The following NPR2 variants were observed in gnomAD, a reference collection of about 807,000 sequenced individuals.
NPR2 encodes the protein natriuretic peptide receptor 2, also known as atrial natriuretic peptide receptor 2.
In NPR2, 49 loss-of-function variants were observed where a neutral mutation model predicts 120.7. That is an observed-to-expected ratio of 0.41 (90% CI 0.32 to 0.52). The LOEUF (loss-of-function observed/expected upper bound fraction) is 0.52. NPR2 is among the 20% of genes least tolerant of loss of function. The pLI, the probability that NPR2 is intolerant of heterozygous loss-of-function variation, is 0.36. For synonymous variants in NPR2, 484 were observed against 519.8 expected, an observed-to-expected ratio of 0.93 and a Z score of 0.94; for missense variants, 931 against 1,362.9, an observed-to-expected ratio of 0.68 and a Z score of 4.99.
In NPR2 at chr9:35,809,712, T is replaced by A; in HGVS notation, c.*267T>A. ...ATTTTGGTCAAATATAAAACAATAATAAAAAAAGTTCTGATGTCATAGTGT... is the reference window on the plus strand; with the variant it reads ...ATTTTGGTCAAATATAAAACAATAAAAAAAAAAGTTCTGATGTCATAGTGT... On this transcript the variant is annotated 3_prime_UTR_variant, in exon 22 of 22. Transcript: ENST00000342694. This position sits in a 1 kb window ranked among gnomAD's most constrained non-coding sequence, Gnocchi z 4.1. 7.9e-7 allele frequency: 1 copy of A among 1,264,516 alleles called. No homozygotes were observed. Among genetic ancestry groups the A allele is most frequent in the Non-Finnish European group, 1.1e-6 (1 of 886,692 alleles). 78.3% of individuals were successfully genotyped at this position (1,264,516 alleles called of 1,614,324 possible).
At position 35,799,508 on chromosome 9, in the gene NPR2, G is replaced by A. The variant is rs1828063332; in HGVS notation, c.874-110G>A. The stretch of plus-strand genomic sequence containing the variant: ...TTTCAAAGCCTTCAGACTCACCTGT[G>A]TATATTTTATATCATGTATATTTTA... On this transcript the variant is annotated intron_variant, in intron 2 of 21. Transcript: ENST00000342694. The A allele has an allele frequency of 1.0e-5, 8 of 803,032 alleles. No homozygotes were observed. The Admixed American group carries it at 1.3e-4, about 13-fold the overall frequency. The allele number at this position is 803,032 out of a possible 1,614,324, so 49.7% of individuals were successfully genotyped here. A position where few individuals can be genotyped will look rare whatever the true frequency, so the allele number is the denominator to read the frequency against.
rs2236289 is a variant in NPR2, at chr9:35,793,710, C to T, written c.668-188C>T. On this transcript the variant is annotated intron_variant, in intron 1 of 21. Coordinates refer to ENST00000342694, the MANE Select transcript of NPR2 (RefSeq NM_003995.4). ...AGGCTCTGACTTCTGCCAGATGGTC[C>T]ATATGGCCCCAGGGTACTTATGGTG... is the stretch of plus-strand genomic sequence containing the variant. 0.14 allele frequency among the ~76,000 whole-genome samples: 21,373 copies of T among 151,940 alleles called. 1,982 individuals carry two copies. Among genetic ancestry groups the T allele is most frequent in the East Asian group, 0.3 (1,563 of 5,152 alleles).
intron 2 of NPR2, among the ~76,000 whole-genome samples, chr9:35,795,573 G>C (rs1396611151): frequency 6.6e-6 from 1 of 152,228 alleles, no homozygotes; most frequent in African/African-American, 2.4e-5. Context: ...ACTGACGAGT[G>C]TGTGTCTGAC....
chr9:35,805,427 C>G lies in NPR2; in HGVS notation c.1888-84C>G. 1 of 1,365,822 alleles carries G rather than the reference C, an allele frequency of 7.3e-7. No individual in the cohort carries two copies. The highest frequency in any genetic ancestry group is 1.0e-6 in the Non-Finnish European group (1 of 954,812). The allele number at this position is 1,365,822 out of a possible 1,614,324, so 84.6% of individuals were successfully genotyped here. A position where few individuals can be genotyped will look rare whatever the true frequency, so the allele number is the denominator to read the frequency against. ...TTTTTGTGGACCCAAGATCTGTAGACAGCTAGCCAGTGCCCATCTCATGGA... is the reference window on the plus strand; with the variant it reads ...TTTTTGTGGACCCAAGATCTGTAGAGAGCTAGCCAGTGCCCATCTCATGGA... On this transcript the variant is annotated intron_variant, in intron 12 of 21. Transcript: ENST00000342694. The surrounding 1 kb of genome is among the most constrained non-coding windows in gnomAD (Gnocchi z 4.9).
At chr9:35,801,896 C>T in intron 8 of NPR2, 30 bp from the exon 9 acceptor site, 1 of 1,612,236 alleles carries the variant, frequency 6.2e-7, no homozygotes, top group South Asian at 1.1e-5. Flanking sequence ...TCCTTTCATC[C>T]TTCCGCCTCC....
In NPR2 at chr9:35,805,648, T is replaced by C; in HGVS notation, c.2025T>C (p.Asp675=). ...GCTTCCGATCAACTGCTGAACCTGA[T>C]GACAGCCATGCCCTCTATGCCAGTG... is the stretch of plus-strand genomic sequence containing the variant. ...LASFRSTAEP[D]DSHALYAKKL... Residue 675 remains aspartate, a synonymous_variant, in exon 13 of 22, where the codon GAT becomes GAC. Transcript: ENST00000342694. This position sits in a 1 kb window ranked among gnomAD's most constrained non-coding sequence, Gnocchi z 4.9. The C allele has an allele frequency of 1.9e-6, 3 of 1,614,160 alleles. No homozygotes were observed. Among genetic ancestry groups the C allele is most frequent in the Non-Finnish European group, 2.5e-6 (3 of 1,180,054 alleles).
At chr9:35,803,678 G>T (rs910723724) in intron 12 of NPR2, among the ~76,000 whole-genome samples, 5 of 152,238 alleles carry the variant, frequency 3.3e-5, no homozygotes, top group Admixed American at 2.6e-4. Flanking sequence ...GCATAAAATA[G>T]AATCTTGCAT....
rs563276788 is a variant in NPR2, at chr9:35,792,822, C to A, written c.414C>A (p.Thr138=). The stretch of plus-strand genomic sequence containing the variant: ...CGGCTAAGAATGACCATTATCGTAC[C>A]CTGGTTCGCACTGGCCCCTCTGCTC... ...GFSAKNDHYR[T]LVRTGPSAPK... Residue 138 remains threonine (T), a synonymous_variant, in exon 1 of 22, where the codon ACC becomes ACA. Transcript: ENST00000342694. The A allele has an allele frequency of 1.2e-6, 2 of 1,614,164 alleles. No homozygotes were observed. Among genetic ancestry groups the A allele is most frequent in the African/African-American group, 2.7e-5 (2 of 75,036 alleles).
At chr9:35,796,668 G>A (rs1273815817) in intron 2 of NPR2, among the ~76,000 whole-genome samples, 2 of 152,160 alleles carry the variant, frequency 1.3e-5, no homozygotes, top group African/African-American at 4.8e-5. Flanking sequence ...AATAAAGAGG[G>A]AATCTTTGCT....
chr9:35,792,822 C>G lies in NPR2; in HGVS notation c.414C>G (p.Thr138=), dbSNP rs563276788. 5.6e-6 allele frequency: 9 copies of G among 1,614,164 alleles called. No homozygotes were observed. Among genetic ancestry groups the G allele is most frequent in the Non-Finnish European group, 7.6e-6 (9 of 1,180,024 alleles). ...CGGCTAAGAATGACCATTATCGTACCCTGGTTCGCACTGGCCCCTCTGCTC... is the reference window on the plus strand; with the variant it reads ...CGGCTAAGAATGACCATTATCGTACGCTGGTTCGCACTGGCCCCTCTGCTC... ...GFSAKNDHYR[T]LVRTGPSAPK... The change falls in exon 1 of 22, where the codon ACC becomes ACG. Residue 138 remains threonine, a synonymous_variant. Coordinates refer to ENST00000342694, the MANE Select transcript of NPR2 (RefSeq NM_003995.4).
chr9:35,801,212 G>A, intron 7 of NPR2, 58 bp downstream of exon 7: 1 of 1,314,640 alleles, frequency 7.6e-7, no homozygotes, highest in Non-Finnish European at 1.1e-6. Context: ...ACAACCTCTG[G>A]CTGAAGCCAG....
At position 35,802,284 on chromosome 9, in the gene NPR2, G is replaced by A; in HGVS notation, c.1710+1G>A. Reference sequence around the variant, plus strand: ...GCAGGTTCTGTTTGAACTCAAACATGTATGTAACAGAGGATGGACTCTAAC... The same window carrying A: ...GCAGGTTCTGTTTGAACTCAAACATATATGTAACAGAGGATGGACTCTAAC... On this transcript the variant is annotated splice_donor_variant, in intron 10 of 21. Coordinates refer to ENST00000342694, the MANE Select transcript of NPR2 (RefSeq NM_003995.4). LOFTEE classifies it high-confidence loss of function. This position sits in a 1 kb window ranked among gnomAD's most constrained non-coding sequence, Gnocchi z 4.2. 6.5e-7 allele frequency: 1 copy of A among 1,537,688 alleles called. No homozygotes were observed.
chr9:35,791,871 G>C lies in NPR2; in HGVS notation c.-538G>C, dbSNP rs902190835. On this transcript the variant is annotated 5_prime_UTR_variant, in exon 1 of 22. Transcript: ENST00000342694. ...TTACCCCTGCCTTCCCCTGCCCTCC[G>C]GCCCAGGCCTCGCTTCGCTCCCCGC... Among the ~76,000 whole-genome samples, 4 of 151,810 alleles carry C rather than the reference G, an allele frequency of 2.6e-5. No individual in the cohort carries two copies. The highest frequency in any genetic ancestry group is 5.9e-5 in the Non-Finnish European group (4 of 67,886).
chr9:35,807,097 G>A lies in NPR2; in HGVS notation c.2594G>A (p.Ser865Asn). The A allele has an allele frequency of 6.4e-7, 1 of 1,562,934 alleles. No individual in the cohort carries two copies. Among genetic ancestry groups the A allele is most frequent in the Non-Finnish European group, 8.7e-7 (1 of 1,148,306 alleles). ...EAFDSVTIYFSDIVGFTALSA... is the reference protein window; with the variant it reads ...EAFDSVTIYFNDIVGFTALSA... Reference sequence around the variant, plus strand: ...TTTGACAGTGTTACCATCTACTTCAGTGACATTGTTGGCTTCACAGCATTG... The same window carrying A: ...TTTGACAGTGTTACCATCTACTTCAATGACATTGTTGGCTTCACAGCATTG... The change falls in exon 17 of 22, where the codon AGT becomes AAT. Residue 865 changes from serine to asparagine, a missense_variant. Ser to Asn is a conservative substitution (Grantham distance 46). Transcript: ENST00000342694.
rs3763631 is a variant in NPR2, at chr9:35,808,337, C to A, written c.2713-172C>A. On this transcript the variant is annotated intron_variant, in intron 18 of 21. Coordinates refer to ENST00000342694, the MANE Select transcript of NPR2 (RefSeq NM_003995.4). The surrounding 1 kb of genome is among the most constrained non-coding windows in gnomAD (Gnocchi z 4.0). ...TGGAGAAAGAAGACTTAAAGATTCCCTAGACATCTCCTCTCCCCTAGACTC... is the reference window on the plus strand; with the variant it reads ...TGGAGAAAGAAGACTTAAAGATTCCATAGACATCTCCTCTCCCCTAGACTC... The A allele has an allele frequency of 6.6e-6, 10 of 1,519,674 alleles. No homozygotes were observed. The highest frequency in any genetic ancestry group is 4.5e-5 in the South Asian group (4 of 88,926). The allele number at this position is 1,519,674 out of a possible 1,614,324, so 94.1% of individuals were successfully genotyped here.
rs138254005 is a variant in NPR2 at position 35,809,388 on chromosome 9, A to C, written c.3087A>C (p.Gly1029=). ...CACTCTCCCACTTCCAGGGAAAAGG[A>C]AAGATGCGAACATACTGGCTCTTAG... ...LRGDVEMKGK[G]KMRTYWLLGE... is the part of the protein sequence containing the mutation. Residue 1029 remains glycine, a synonymous_variant, in exon 22 of 22, where the codon GGA becomes GGC. Transcript: ENST00000342694. This position sits in a 1 kb window ranked among gnomAD's most constrained non-coding sequence, Gnocchi z 4.1. 607 of 1,614,200 alleles carry C rather than the reference A, an allele frequency of 3.8e-4. 2 individuals carry two copies. In the Middle Eastern group the frequency reaches 7.3e-3, roughly 19 times the overall value.
chr9:35,793,048 A>G lies in NPR2; in HGVS notation c.640A>G (p.Thr214Ala). ...AGAGCCAGGGGGCCCCGAGCAGGCC[A>G]CCCACTTCATCCGGGCCAACGGGCG... ...AREPGGPEQA[T>A]HFIRANGRIV... The change falls in exon 1 of 22, where the codon ACC becomes GCC. Residue 214 changes from threonine to alanine, a missense_variant. Transcript: ENST00000342694. The G allele has an allele frequency of 6.2e-7, 1 of 1,603,670 alleles. No homozygotes were observed. The highest frequency in any genetic ancestry group is 8.5e-7 in the Non-Finnish European group (1 of 1,175,346).
At position 35,809,007 on chromosome 9, in the gene NPR2, G is replaced by A; in HGVS notation, c.2987-149G>A. 1 of 953,082 alleles carries A rather than the reference G, an allele frequency of 1.0e-6. No individual in the cohort carries two copies. The highest frequency in any genetic ancestry group is 1.3e-5 in the South Asian group (1 of 77,182). 59.0% of individuals were successfully genotyped at this position (953,082 alleles called of 1,614,324 possible). On this transcript the variant is annotated intron_variant, in intron 20 of 21. Coordinates refer to ENST00000342694, the MANE Select transcript of NPR2 (RefSeq NM_003995.4). This position sits in a 1 kb window ranked among gnomAD's most constrained non-coding sequence, Gnocchi z 4.1. ...TGGTTCTAATAGATATGCATTGGGA[G>A]GTTGGGCATATTTTGGTCCTAATAG...
Position 35,802,931 on chromosome 9 carries a change from G to A in NPR2, c.1887+128G>A. ...CATCTCCCCTTATTCCCATGGTCTG[G>A]TAATAATGGGTAAACAAGGAGTCTG... On this transcript the variant is annotated intron_variant, in intron 12 of 21. Transcript: ENST00000342694. This position sits in a 1 kb window ranked among gnomAD's most constrained non-coding sequence, Gnocchi z 4.2. 2 of 731,268 alleles carry A rather than the reference G, an allele frequency of 2.7e-6. No individual in the cohort carries two copies. Among genetic ancestry groups the A allele is most frequent in the Non-Finnish European group, 2.5e-6 (1 of 401,940 alleles). The allele number at this position is 731,268 out of a possible 1,614,324, so 45.3% of individuals were successfully genotyped here. A position where few individuals can be genotyped will look rare whatever the true frequency, so the allele number is the denominator to read the frequency against.
Sources: allele counts gnomAD v4.1 joint callset (sites outside exome capture counted in the v4.1 genomes callset), GRCh38; gene constraint gnomAD v4.1.1; non-coding constraint Gnocchi (gnomAD v3.1); transcripts MANE v1.5; gene names NCBI Gene and HGNC (gene_info 2026-07-23, HGNC 2026-07-21).